DNM3: variants seen among roughly 807,000 people sequenced by gnomAD.
DNM3 encodes the protein dynamin 3.
DNM3 carries 47 observed loss-of-function variants against 101.6 expected under a neutral mutation model. The observed-to-expected ratio is 0.46, with a 90% CI of 0.37 to 0.59. DNM3 has a LOEUF of 0.59. Ranked by LOEUF, DNM3 falls within the 20% of genes least tolerant of loss-of-function variation. The pLI, the probability that DNM3 is intolerant of heterozygous loss-of-function variation, is 0.00. For synonymous variants in DNM3, 385 were observed against 387.9 expected, an observed-to-expected ratio of 0.99 and a Z score of 0.09; for missense variants, 849 against 1,085.7, an observed-to-expected ratio of 0.78 and a Z score of 3.06.
chr1:172,005,995 G>T (rs1375968012), intron 4 of DNM3, among the ~76,000 whole-genome samples: 1 of 152,096 alleles, frequency 6.6e-6, no homozygotes, highest in East Asian at 1.9e-4. Context: ...CTGAGCCCAG[G>T]ACATTTTGTG....
At chr1:171,952,706 A>G (rs995137127) in intron 2 of DNM3, among the ~76,000 whole-genome samples, 1 of 152,164 alleles carries the variant, frequency 6.6e-6, no homozygotes, top group Non-Finnish European at 1.5e-5. Flanking sequence ...ATTTATTATA[A>G]ATGGAAAGAC....
At chr1:171,927,093 G>A (rs2040631187) in intron 2 of DNM3, among the ~76,000 whole-genome samples, 1 of 152,110 alleles carries the variant, frequency 6.6e-6, no homozygotes, top group Non-Finnish European at 1.5e-5. Context: ...CCCTGGAAAG[G>A]AAGATGTAAA....
chr1:172,263,824 G>A lies in DNM3; in HGVS notation c.1769+10142G>A, dbSNP rs530797179. Among the ~76,000 whole-genome samples the A allele has an allele frequency of 9.2e-5, 14 of 152,268 alleles. No homozygotes were observed. In the East Asian group the frequency reaches 2.5e-3, roughly 27 times the overall value. On this transcript the variant is annotated intron_variant, in intron 15 of 20. Coordinates refer to ENST00000627582, the MANE Select transcript of DNM3 (RefSeq NM_015569.5). Reference sequence around the variant, plus strand: ...ATATCATACTCCAATTAAAATATAAGATGTTTTCTTGTTTTGAGAACATTT... The same window carrying A: ...ATATCATACTCCAATTAAAATATAAAATGTTTTCTTGTTTTGAGAACATTT...
At chr1:172,054,788 A>C (rs574330494) in intron 10 of DNM3, among the ~76,000 whole-genome samples, 240 of 152,224 alleles carry the variant, frequency 1.6e-3, no homozygotes, top group Middle Eastern at 3.4e-3. Context: ...GTAAAACCCC[A>C]TCTCTACTAA....
intron 13 of DNM3, among the ~76,000 whole-genome samples, chr1:172,096,529 G>A (rs1349908326): frequency 6.6e-6 from 1 of 152,208 alleles, no homozygotes; most frequent in African/African-American, 2.4e-5. Context: ...TAAATTGGAT[G>A]TCGGAGAGAG....
At chr1:172,301,852 C>T (rs923934104) in intron 15 of DNM3, among the ~76,000 whole-genome samples, 3 of 151,970 alleles carry the variant, frequency 2.0e-5, no homozygotes, top group Admixed American at 6.6e-5. Context: ...GAAATAGAAC[C>T]TCAACTATCT....
chr1:172,402,014 A>G (rs1358256270), intron 20 of DNM3, among the ~76,000 whole-genome samples: 1 of 152,078 alleles, frequency 6.6e-6, no homozygotes, highest in African/African-American at 2.4e-5. Flanking sequence ...CTCCAACCCG[A>G]TTTATCTTTG....
intron 20 of DNM3, among the ~76,000 whole-genome samples, chr1:172,404,872 G>A (rs2070765238): frequency 6.6e-6 from 1 of 152,060 alleles, no homozygotes. Context: ...AATAGATGCT[G>A]AGCTCTTTAA....
intron 12 of DNM3, among the ~76,000 whole-genome samples, chr1:172,092,567 G>A (rs1308147567): frequency 6.6e-6 from 1 of 152,126 alleles, no homozygotes; most frequent in Non-Finnish European, 1.5e-5. Context: ...CAACTCGTAT[G>A]TTATTAATGT....
intron 10 of DNM3, among the ~76,000 whole-genome samples, chr1:172,056,181 C>T (rs2050599500): frequency 6.6e-6 from 1 of 152,232 alleles, no homozygotes; most frequent in Non-Finnish European, 1.5e-5. Context: ...GCACCTGGCT[C>T]AGAGGGTCCT....
chr1:172,408,571 A>T lies in DNM3; in HGVS notation c.*730A>T. On this transcript the variant is annotated 3_prime_UTR_variant, in exon 21 of 21. Coordinates refer to ENST00000627582, the MANE Select transcript of DNM3 (RefSeq NM_015569.5). ...GGCTAATTAGTTTCAGAGTTCAAGG[A>T]AGAAGCAAAATATCACATCTCTAGA... 5.1e-6 allele frequency: 5 copies of T among 985,286 alleles called. No individual in the cohort carries two copies. The highest frequency in any genetic ancestry group is 6.0e-6 in the Non-Finnish European group (5 of 829,816). 61.0% of individuals were successfully genotyped at this position (985,286 alleles called of 1,614,324 possible).
At chr1:172,107,481 A>T (rs1254258215) in intron 13 of DNM3, among the ~76,000 whole-genome samples, 2 of 152,098 alleles carry the variant, frequency 1.3e-5, no homozygotes, top group East Asian at 1.9e-4. Flanking sequence ...CTGCACAGGG[A>T]TGTCAATTTC....
rs1271595099 is a variant in DNM3, at chr1:172,198,699, T to C, written c.1660-54874T>C. 1.4e-4 allele frequency among the ~76,000 whole-genome samples: 21 copies of C among 152,262 alleles called. No homozygotes were observed. In the East Asian group the frequency reaches 4.0e-3, roughly 29 times the overall value. On this transcript the variant is annotated intron_variant, in intron 14 of 20. Coordinates refer to ENST00000627582, the MANE Select transcript of DNM3 (RefSeq NM_015569.5). ...CTCTAGGTTTCCTAGTTTTTGTGCA[T>C]AGAGGTGTTAGTAGTCGTTTCTGAT...
intron 13 of DNM3, among the ~76,000 whole-genome samples, chr1:172,094,205 C>A (rs569851400): frequency 6.6e-6 from 1 of 151,928 alleles, no homozygotes; most frequent in South Asian, 2.1e-4. Flanking sequence ...TACCCAATAC[C>A]AATTATTTGC....
chr1:171,973,119 C>T (rs931131106), intron 2 of DNM3, among the ~76,000 whole-genome samples: 2 of 151,404 alleles, frequency 1.3e-5, no homozygotes, highest in African/African-American at 2.4e-5. Context: ...ATGTAGGGGG[C>T]GGGGGAGGAG....
chr1:171,948,524 A>G (rs966381070), intron 2 of DNM3, among the ~76,000 whole-genome samples: 11 of 152,232 alleles, frequency 7.2e-5, no homozygotes, highest in African/African-American at 2.2e-4. Context: ...CACATTATAT[A>G]GATAAGCTTA....
chr1:171,897,934 A>G (rs1248817304), intron 1 of DNM3, among the ~76,000 whole-genome samples: 1 of 149,414 alleles, frequency 6.7e-6, no homozygotes, highest in Non-Finnish European at 1.5e-5. Context: ...TTTTTTTTTG[A>G]CTAATACTTG....
chr1:172,191,283 C>T (rs1474495636), intron 14 of DNM3, among the ~76,000 whole-genome samples: 1 of 152,148 alleles, frequency 6.6e-6, no homozygotes, highest in African/African-American at 2.4e-5. Context: ...AATCTTTCCC[C>T]ATTTCTTGTT....
chr1:172,288,955 G>A (rs1179184644), intron 15 of DNM3, among the ~76,000 whole-genome samples: 2 of 152,092 alleles, frequency 1.3e-5, no homozygotes, highest in African/African-American at 2.4e-5. Flanking sequence ...TAATGCCTGG[G>A]TCTTTAAATT....
Sources: gnomAD v4.1 joint callset for allele counts (sites outside exome capture counted in the v4.1 genomes callset) on GRCh38, gnomAD v4.1.1 for gene constraint, MANE v1.5 for transcripts, NCBI Gene and HGNC (gene_info 2026-07-23, HGNC 2026-07-21) for gene names.